The following PRKAG2 variants were observed in gnomAD, a reference collection of about 807,000 sequenced individuals.
PRKAG2 encodes protein kinase AMP-activated non-catalytic subunit gamma 2, also known as 5'-AMP-activated protein kinase subunit gamma-2.
Under a neutral mutation model 69.6 loss-of-function variants are expected in PRKAG2, and 26 were observed. The observed-to-expected ratio is 0.37, with a 90% CI of 0.27 to 0.52. The LOEUF is 0.52. Ranked by LOEUF, PRKAG2 falls within the 20% of genes least tolerant of loss-of-function variation. PRKAG2 has a pLI of 0.90. For missense variants in PRKAG2, 557 were observed against 740.0 expected, an observed-to-expected ratio of 0.75 and a Z score of 2.87; for synonymous variants, 293 against 285.0, an observed-to-expected ratio of 1.03 and a Z score of -0.28.
intron 3 of PRKAG2, among the ~76,000 whole-genome samples, chr7:151,763,290 C>T (rs1022784340): frequency 6.6e-6 from 1 of 152,268 alleles, no homozygotes; most frequent in African/African-American, 2.4e-5. Flanking sequence ...GCTCCCTCCT[C>T]ACCTCTGTGT....
chr7:151,813,564 T>C (rs7800856), intron 1 of PRKAG2, among the ~76,000 whole-genome samples: 56,446 of 151,376 alleles, frequency 0.37, 10,903 homozygotes, highest in South Asian at 0.58. Flanking sequence ...ACAAGAGGGA[T>C]GCTGGGTGAG....
At chr7:151,747,556 C>CA (rs796365565) in intron 3 of PRKAG2, among the ~76,000 whole-genome samples, 2,668 of 125,850 alleles carry the variant, frequency 0.021, 77 homozygotes, top group African/African-American at 0.076. Flanking sequence ...GACTCCGTCT[C>CA]AAAAAAAAAC....
At chr7:151,842,885 C>G (rs1010782532) in intron 1 of PRKAG2, among the ~76,000 whole-genome samples, 1 of 151,924 alleles carries the variant, frequency 6.6e-6, no homozygotes, top group African/African-American at 2.4e-5. Context: ...CAGGTGGAAA[C>G]GTGTCTTTAG....
In PRKAG2 at chr7:151,626,582, G is replaced by A. The variant is rs559955727; in HGVS notation, c.754+5487C>T. On this transcript the variant is annotated intron_variant, in intron 5 of 15. Transcript: ENST00000287878. ...AGTAATGATCGACAAGTACCAGACT[G>A]TGCCCACACACCTGCCACTTTGATA... Among the ~76,000 whole-genome samples, 51 of 152,136 alleles carry A rather than the reference G, an allele frequency of 3.4e-4. 1 individual carries two copies. The highest frequency in any genetic ancestry group is 6.0e-4 in the Non-Finnish European group (41 of 68,036).
intron 1 of PRKAG2, among the ~76,000 whole-genome samples, chr7:151,857,280 C>T (rs1358560312): frequency 1.3e-5 from 2 of 151,990 alleles, no homozygotes; most frequent in South Asian, 4.1e-4. Flanking sequence ...TGCCAGCTCC[C>T]AGCTCCCAGA....
chr7:151,710,147 C>T (rs1795048772), intron 3 of PRKAG2, among the ~76,000 whole-genome samples: 1 of 152,164 alleles, frequency 6.6e-6, no homozygotes, highest in Non-Finnish European at 1.5e-5. Context: ...GCCGCCTCTC[C>T]CCTGAGCTGA....
Position 151,756,029 on chromosome 7 carries a change from C to A in PRKAG2, c.466+25123G>T, listed in dbSNP as rs1425695623. Among the ~76,000 whole-genome samples the A allele has an allele frequency of 6.6e-6, 1 of 152,180 alleles. No homozygotes were observed. Among genetic ancestry groups the A allele is most frequent in the African/African-American group, 2.4e-5 (1 of 41,428 alleles). ...CTGTGCGCAAACACAAATACTTCCA[C>A]TGCCCTCTCCCGCCTCCTCTCCCAT... On this transcript the variant is annotated intron_variant, in intron 3 of 15. Coordinates refer to ENST00000287878, the MANE Select transcript of PRKAG2 (RefSeq NM_016203.4). This position sits in a 1 kb window ranked among gnomAD's most constrained non-coding sequence, Gnocchi z 4.9.
At chr7:151,741,331 GT>G (rs1277065222) in intron 3 of PRKAG2, among the ~76,000 whole-genome samples, 6 of 152,034 alleles carry the variant, frequency 3.9e-5, no homozygotes, top group Admixed American at 2.6e-4. Context: ...AAATGAAAAG[GT>G]TTTGTTTCAG....
At chr7:151,825,364 C>T (rs1291186840) in intron 1 of PRKAG2, among the ~76,000 whole-genome samples, 1 of 152,184 alleles carries the variant, frequency 6.6e-6, no homozygotes, top group Non-Finnish European at 1.5e-5. Context: ...TTATATTATT[C>T]TCTGATTATG....
rs562390958 is a variant in PRKAG2 at position 151,742,625 on chromosome 7, CAAAAA to C, written c.466+38522_466+38526del. Among the ~76,000 whole-genome samples the C allele has an allele frequency of 4.3e-3, 586 of 135,664 alleles. 7 individuals are homozygous for C. Among genetic ancestry groups the C allele is most frequent in the African/African-American group, 0.015 (556 of 37,092 alleles). The allele number at this position is 135,664 out of a possible 152,430, so 89.0% of individuals were successfully genotyped here. On this transcript the variant is annotated intron_variant, in intron 3 of 15. Transcript: ENST00000287878. Reference sequence around the variant, plus strand: ...TGCAACAGAGTAAGATTACATCTCACAAAAAAAAAAAAAATAAAATAAAATAAAAA... The same window carrying C: ...TGCAACAGAGTAAGATTACATCTCACAAAAAAAAATAAAATAAAATAAAAA...
At chr7:151,786,331 G>T in intron 2 of PRKAG2, 139 bp downstream of exon 2, 1 of 834,012 alleles carries the variant, frequency 1.2e-6, no homozygotes, top group Non-Finnish European at 2.0e-6. Context: ...CGCAGGATGG[G>T]CTCGGTTACG....
chr7:151,591,658 T>G (rs780905007), intron 6 of PRKAG2, among the ~76,000 whole-genome samples: 14 of 152,014 alleles, frequency 9.2e-5, no homozygotes, highest in Non-Finnish European at 1.9e-4. Context: ...CGGTACTGAG[T>G]GACACTAAAA....
chr7:151,865,976 C>T (rs989288289), intron 1 of PRKAG2, among the ~76,000 whole-genome samples: 3 of 144,472 alleles, frequency 2.1e-5, no homozygotes, highest in African/African-American at 7.7e-5. Context: ...GCGGAGATCG[C>T]ACCACTGCAC....
chr7:151,709,060 CAT>C (rs1839100341), intron 3 of PRKAG2, among the ~76,000 whole-genome samples: 1 of 152,122 alleles, frequency 6.6e-6, no homozygotes, highest in African/African-American at 2.4e-5. Context: ...CAGTGCATGA[CAT>C]TGAGTGACGT....
intron 5 of PRKAG2, among the ~76,000 whole-genome samples, chr7:151,629,258 C>A (rs1322598106): frequency 6.6e-6 from 1 of 152,160 alleles, no homozygotes; most frequent in Non-Finnish European, 1.5e-5. Context: ...CGGCCCATGT[C>A]CTGTTATTCC....
intron 3 of PRKAG2, among the ~76,000 whole-genome samples, chr7:151,703,845 A>AACACACACACACACACACACACACACAC (rs535818189): frequency 1.1e-5 from 1 of 88,494 alleles, no homozygotes; most frequent in African/African-American, 4.6e-5. Flanking sequence ...TTTACTGGAA[A>AACACACACACACACACACACACACACAC]ACACACACAC....
At chr7:151,661,429 AC>A (rs1343529561) in intron 4 of PRKAG2, among the ~76,000 whole-genome samples, 14 of 152,078 alleles carry the variant, frequency 9.2e-5, no homozygotes, top group Admixed American at 9.2e-4. Flanking sequence ...CCAACCCCCC[AC>A]CTTGGCCTCC....
chr7:151,694,865 A>G (rs1836329415), intron 3 of PRKAG2, among the ~76,000 whole-genome samples: 1 of 152,206 alleles, frequency 6.6e-6, no homozygotes, highest in Non-Finnish European at 1.5e-5. Flanking sequence ...AGCAAGGAGT[A>G]AGGACATCCG....
In PRKAG2 at chr7:151,564,107, T is replaced by C. The variant is rs1060503024; in HGVS notation, c.1555A>G (p.Thr519Ala). Reference protein sequence around the residue: ...VKCNKLEILETIVDRIVRAEV... With the variant: ...VKCNKLEILEAIVDRIVRAEV... Reference sequence around the variant, plus strand: ...GCTCTTACTATTCTGTCCACGATGGTCTCCAGTATTTCCAGCTTATTGCAC... The same window carrying C: ...GCTCTTACTATTCTGTCCACGATGGCCTCCAGTATTTCCAGCTTATTGCAC... Residue 519 changes from threonine (T) to alanine (A), a missense_variant, in exon 14 of 16, where the codon ACC (threonine) becomes GCC (alanine). Physicochemically the swap from Thr to Ala is moderately conservative, Grantham distance 58. This residue lies in a region of PRKAG2 where 205 missense variants were observed against 383.4 expected (regional missense o/e 0.53). Coordinates refer to ENST00000287878, the MANE Select transcript of PRKAG2 (RefSeq NM_016203.4). The C allele has an allele frequency of 6.2e-7, 1 of 1,614,128 alleles. No individual in the cohort carries two copies. Among genetic ancestry groups the C allele is most frequent in the South Asian group, 1.1e-5 (1 of 91,080 alleles).
Sources: allele counts gnomAD v4.1 joint callset (sites outside exome capture counted in the v4.1 genomes callset), GRCh38; gene constraint gnomAD v4.1.1; regional missense constraint gnomAD v4.1.1; non-coding constraint Gnocchi (gnomAD v3.1); transcripts MANE v1.5; gene names NCBI Gene and HGNC (gene_info 2026-07-23, HGNC 2026-07-21).